Variants in MDGA2 observed in about 807,000 individuals in gnomAD.
MDGA2 encodes the protein MAM domain containing glycosylphosphatidylinositol anchor 2.
In MDGA2, 40 loss-of-function variants were observed where a neutral mutation model predicts 117.8. The ratio of observed to expected loss-of-function variants is 0.34; its 90% CI spans 0.26 to 0.44. MDGA2 has a LOEUF of 0.44. Ranked by LOEUF, MDGA2 falls within the 20% of genes least tolerant of loss-of-function variation. The pLI is 1.00. For synonymous variants in MDGA2, 452 were observed against 439.0 expected, an observed-to-expected ratio of 1.03 and a Z score of -0.37; for missense variants, 1,123 against 1,250.6, an observed-to-expected ratio of 0.90 and a Z score of 1.54.
chr14:47,034,902 A>G, intron 8 of MDGA2, 109 bp downstream of exon 8: 1 of 915,306 alleles, frequency 1.1e-6, no homozygotes, highest in East Asian at 2.5e-5. Flanking sequence ...AAATGTAGAA[A>G]TAGTTCATTC....
At chr14:47,479,425 G>C (rs1322586422) in intron 1 of MDGA2, among the ~76,000 whole-genome samples, 1 of 151,774 alleles carries the variant, frequency 6.6e-6, no homozygotes, top group Non-Finnish European at 1.5e-5. Flanking sequence ...CTTCCCTTTT[G>C]AGATGCAGGG....
intron 3 of MDGA2, among the ~76,000 whole-genome samples, chr14:47,189,719 T>C (rs924682648): frequency 4.6e-5 from 7 of 152,262 alleles, no homozygotes; most frequent in Middle Eastern, 3.4e-3. Context: ...AATTTCAGTG[T>C]ATATTTAAAT....
chr14:47,033,535 CTTTCT>C (rs758181943), intron 8 of MDGA2, among the ~76,000 whole-genome samples: 7 of 152,142 alleles, frequency 4.6e-5, no homozygotes, highest in Non-Finnish European at 1.0e-4. Flanking sequence ...GTTTCACTCT[CTTTCT>C]TTTCTTTTTT....
intron 1 of MDGA2, among the ~76,000 whole-genome samples, chr14:47,461,409 G>A (rs1238585257): frequency 2.6e-5 from 4 of 151,966 alleles, no homozygotes; most frequent in Non-Finnish European, 5.9e-5. Flanking sequence ...AAAGAGAATT[G>A]TAAAGCTCTT....
chr14:47,104,357 C>G (rs1052350865), intron 5 of MDGA2, among the ~76,000 whole-genome samples: 1 of 150,626 alleles, frequency 6.6e-6, no homozygotes, highest in African/African-American at 2.5e-5. Context: ...ATGGCCGGTC[C>G]TTGCCTTAAC....
intron 7 of MDGA2, among the ~76,000 whole-genome samples, chr14:47,045,011 A>G (rs1451470940): frequency 6.6e-6 from 1 of 152,208 alleles, no homozygotes; most frequent in East Asian, 1.9e-4. Flanking sequence ...GGCAGGCAAC[A>G]GTTGTGGCTG....
At chr14:47,121,590 C>G (rs578249289) in intron 5 of MDGA2, among the ~76,000 whole-genome samples, 4 of 152,176 alleles carry the variant, frequency 2.6e-5, no homozygotes, top group South Asian at 4.1e-4. Context: ...AGCCTCTTTT[C>G]TTTCTTCACA....
chr14:47,058,630 C>A (rs1039667346), intron 7 of MDGA2: 2 of 984,838 alleles, frequency 2.0e-6, no homozygotes, highest in Non-Finnish European at 2.4e-6. Context: ...GGATAAATAT[C>A]ATTTTAATGA....
intron 8 of MDGA2, among the ~76,000 whole-genome samples, chr14:46,998,637 C>T (rs1402126276): frequency 1.3e-5 from 2 of 152,066 alleles, no homozygotes; most frequent in African/African-American, 2.4e-5. Context: ...TTTAGTATAG[C>T]TATTCTTTGC....
At chr14:47,475,896 T>C (rs1483643728) in intron 1 of MDGA2, among the ~76,000 whole-genome samples, 1 of 152,172 alleles carries the variant, frequency 6.6e-6, no homozygotes, top group Non-Finnish European at 1.5e-5. Context: ...GGGTTGATCA[T>C]ATATCATGTT....
At chr14:47,241,909 T>C (rs1887054858) in intron 2 of MDGA2, among the ~76,000 whole-genome samples, 1 of 151,880 alleles carries the variant, frequency 6.6e-6, no homozygotes, top group Admixed American at 6.6e-5. Flanking sequence ...CTGAAGAAGG[T>C]ACTCTTTTTT....
chr14:47,076,901 T>A (rs983394036), intron 6 of MDGA2, among the ~76,000 whole-genome samples: 3 of 152,154 alleles, frequency 2.0e-5, no homozygotes, highest in African/African-American at 7.2e-5. Context: ...GAAATTTATG[T>A]GACCTGGAAA....
At chr14:47,309,677 T>C (rs1397556810) in intron 1 of MDGA2, among the ~76,000 whole-genome samples, 1 of 152,092 alleles carries the variant, frequency 6.6e-6, no homozygotes, top group Non-Finnish European at 1.5e-5. Flanking sequence ...CATAATTTTT[T>C]AGGTTGATGT....
chr14:46,931,893 T>G (rs1884593207), intron 9 of MDGA2, among the ~76,000 whole-genome samples: 1 of 151,978 alleles, frequency 6.6e-6, no homozygotes, highest in South Asian at 2.1e-4. Flanking sequence ...CATTTTTAAA[T>G]TTTTCATTAA....
rs185345497 is a variant in MDGA2 at position 47,148,919 on chromosome 14, C to T, written c.596-4645G>A. Among the ~76,000 whole-genome samples the T allele has an allele frequency of 9.4e-4, 143 of 152,258 alleles. 1 individual carries two copies. Among genetic ancestry groups the T allele is most frequent in the African/African-American group, 3.4e-3 (140 of 41,544 alleles). On this transcript the variant is annotated intron_variant, in intron 3 of 16. Coordinates refer to ENST00000399232, the MANE Select transcript of MDGA2 (RefSeq NM_001113498.3). ...GTCCACTTATTTTCCCCTAGAGATG[C>T]TGTGTTCTGTTAACCATCTCCATAG...
chr14:46,956,925 T>C (rs1349490894), intron 9 of MDGA2, among the ~76,000 whole-genome samples: 1 of 152,136 alleles, frequency 6.6e-6, no homozygotes. Context: ...CCCTTCACTC[T>C]CTCTCTCTTT....
intron 6 of MDGA2, among the ~76,000 whole-genome samples, chr14:47,084,934 GCTAA>G (rs35169585): frequency 0.32 from 48,029 of 151,668 alleles, 7,866 homozygotes; most frequent in African/African-American, 0.4. Context: ...AGGAACACGT[GCTAA>G]CTAAGACATT....
chr14:47,162,027 C>T (rs946717116), intron 3 of MDGA2, among the ~76,000 whole-genome samples: 56 of 141,082 alleles, frequency 4.0e-4, no homozygotes, highest in African/African-American at 1.4e-3. Context: ...CTCACTGCAA[C>T]CTCCACCTCC....
chr14:47,496,138 A>C (rs984206063), intron 1 of MDGA2, among the ~76,000 whole-genome samples: 2 of 152,184 alleles, frequency 1.3e-5, no homozygotes, highest in African/African-American at 4.8e-5. Flanking sequence ...ATGGACCAAA[A>C]ATTTTTGAAC....
Sources: gnomAD v4.1 joint callset for allele counts (sites outside exome capture counted in the v4.1 genomes callset) on GRCh38, gnomAD v4.1.1 for gene constraint, MANE v1.5 for transcripts, NCBI Gene and HGNC (gene_info 2026-07-23, HGNC 2026-07-21) for gene names.